MAP3K13: variants seen among roughly 807,000 people sequenced by gnomAD.
MAP3K13 encodes mitogen-activated protein kinase kinase kinase 13.
MAP3K13 carries 52 observed loss-of-function variants against 104.0 expected under a neutral mutation model. That is an observed-to-expected ratio of 0.50 (90% CI 0.40 to 0.63). MAP3K13 has a LOEUF of 0.63. Ranked by LOEUF, MAP3K13 falls within the 20% of genes least tolerant of loss-of-function variation. MAP3K13 has a pLI of 0.00. For synonymous variants in MAP3K13, 394 were observed against 442.2 expected (o/e 0.89, Z 1.37); for missense variants, 914 against 1,218.5 (o/e 0.75, Z 3.72).
Position 185,482,241 on chromosome 3 carries a change from C to A in MAP3K13, c.2800-114C>A, listed in dbSNP as rs1317606731. Reference sequence around the variant, plus strand: ...GTCCCACAAGGACAGGACCTGGTCTCGTTTACCTTTGTAGCCCCCTTACCA... The same window carrying A: ...GTCCCACAAGGACAGGACCTGGTCTAGTTTACCTTTGTAGCCCCCTTACCA... On this transcript the variant is annotated intron_variant, in intron 13 of 13. Transcript: ENST00000265026. The surrounding 1 kb of genome is among the most constrained non-coding windows in gnomAD (Gnocchi z 4.5). The A allele has an allele frequency of 2.7e-6, 2 of 735,556 alleles. No homozygotes were observed. The highest frequency in any genetic ancestry group is 4.9e-5 in the East Asian group (2 of 40,676). 45.6% of individuals were successfully genotyped at this position (735,556 alleles called of 1,614,324 possible).
intron 2 of MAP3K13, among the ~76,000 whole-genome samples, chr3:185,286,949 C>T (rs373495204): frequency 5.9e-5 from 9 of 151,988 alleles, no homozygotes; most frequent in African/African-American, 2.2e-4. Flanking sequence ...ATTATGAGAG[C>T]CTTTTACTAT....
At chr3:185,384,042 A>G (rs1423298319) in intron 1 of MAP3K13, among the ~76,000 whole-genome samples, 1 of 152,138 alleles carries the variant, frequency 6.6e-6, no homozygotes, top group African/African-American at 2.4e-5. Flanking sequence ...ACTAAAACTT[A>G]TTCCTTCTTC....
intron 2 of MAP3K13, among the ~76,000 whole-genome samples, chr3:185,340,159 C>G (rs562129064): frequency 6.3e-4 from 96 of 151,948 alleles, no homozygotes; most frequent in Non-Finnish European, 1.1e-3. Flanking sequence ...ATACTGAGCA[C>G]GAGATTATGA....
chr3:185,468,805 T>C lies in MAP3K13; in HGVS notation c.1643+1842T>C, dbSNP rs767730668. ...ATTCCACCTGACACAATCCTTGGGG[T>C]TGGGGGAAATCCCAACACCCCTTTT... On this transcript the variant is annotated intron_variant, in intron 10 of 13. Coordinates refer to ENST00000265026, the MANE Select transcript of MAP3K13 (RefSeq NM_004721.5). Among the ~76,000 whole-genome samples the C allele has an allele frequency of 2.6e-5, 4 of 152,228 alleles. No individual in the cohort carries two copies. In the Middle Eastern group the frequency reaches 0.014, roughly 518 times the overall value.
At chr3:185,301,599 G>A (rs541561724) in intron 2 of MAP3K13, among the ~76,000 whole-genome samples, 1 of 152,276 alleles carries the variant, frequency 6.6e-6, no homozygotes, top group Admixed American at 6.5e-5. Context: ...AGGTCTTACA[G>A]TTAGGCCTAT....
chr3:185,465,931 T>G, intron 9 of MAP3K13, 68 bp downstream of exon 9: 1 of 1,105,442 alleles, frequency 9.0e-7, no homozygotes, highest in South Asian at 1.3e-5. Context: ...CATACTACCC[T>G]TCCATGTTGC....
At chr3:185,453,636 C>A (rs185804032) in intron 7 of MAP3K13, among the ~76,000 whole-genome samples, 1 of 151,404 alleles carries the variant, frequency 6.6e-6, no homozygotes, top group African/African-American at 2.4e-5. Context: ...GCACGTGGTG[C>A]TACACACCTG....
chr3:185,338,166 T>G (rs1290999301), intron 2 of MAP3K13, among the ~76,000 whole-genome samples: 1 of 151,582 alleles, frequency 6.6e-6, no homozygotes, highest in Non-Finnish European at 1.5e-5. Flanking sequence ...CCGTCTCTAC[T>G]AAAAATACAA....
intron 2 of MAP3K13, among the ~76,000 whole-genome samples, chr3:185,317,466 G>T (rs1577418447): frequency 6.6e-6 from 1 of 152,096 alleles, no homozygotes; most frequent in Non-Finnish European, 1.5e-5. Context: ...GTGAAAATAG[G>T]TATCTTAGAA....
intron 1 of MAP3K13, among the ~76,000 whole-genome samples, chr3:185,398,347 A>AT (rs1712549021): frequency 6.6e-6 from 1 of 152,194 alleles, no homozygotes; most frequent in Non-Finnish European, 1.5e-5. Context: ...ACAAAAAAAA[A>AT]TTTCAAACTT....
chr3:185,415,632 G>C (rs537228224), intron 1 of MAP3K13, among the ~76,000 whole-genome samples: 3 of 130,646 alleles, frequency 2.3e-5, no homozygotes, highest in Non-Finnish European at 3.1e-5. Flanking sequence ...TGCCCAGGCT[G>C]GAGTACAATG....
intron 1 of MAP3K13, among the ~76,000 whole-genome samples, chr3:185,405,473 C>T (rs1265391292): frequency 1.3e-5 from 2 of 152,204 alleles, no homozygotes; most frequent in Non-Finnish European, 2.9e-5. Context: ...TCTGTATGCA[C>T]CTTATGTTCC....
At chr3:185,453,767 TAA>T (rs566997710) in intron 7 of MAP3K13, among the ~76,000 whole-genome samples, 1 of 129,232 alleles carries the variant, frequency 7.7e-6, no homozygotes, top group Non-Finnish European at 1.6e-5. Context: ...AGACTCCGTC[TAA>T]AAAAAAAAAA....
At chr3:185,399,578 A>C (rs1329148138) in intron 1 of MAP3K13, among the ~76,000 whole-genome samples, 1 of 142,998 alleles carries the variant, frequency 7.0e-6, no homozygotes. Flanking sequence ...ATTGCACTCC[A>C]GCCTGGGCAT....
chr3:185,357,075 AATAG>A (rs1489856010), intron 2 of MAP3K13, among the ~76,000 whole-genome samples: 3 of 152,004 alleles, frequency 2.0e-5, no homozygotes, highest in African/African-American at 7.3e-5. Context: ...AGAATCAAAG[AATAG>A]AAGTTAGAGA....
chr3:185,396,269 G>A (rs550532000), intron 1 of MAP3K13, among the ~76,000 whole-genome samples: 46 of 152,230 alleles, frequency 3.0e-4, no homozygotes, highest in African/African-American at 1.1e-3. Flanking sequence ...TAGTCAGGAG[G>A]CTAAGCAGGA....
chr3:185,402,952 G>A (rs1209942917), intron 1 of MAP3K13, among the ~76,000 whole-genome samples: 6 of 152,052 alleles, frequency 3.9e-5, no homozygotes, highest in Admixed American at 1.3e-4. Flanking sequence ...GAGACAAAAC[G>A]TCCTGAGGTA....
At chr3:185,301,095 T>A (rs1006632768) in intron 2 of MAP3K13, among the ~76,000 whole-genome samples, 4 of 119,990 alleles carry the variant, frequency 3.3e-5, no homozygotes, top group African/African-American at 1.2e-4. Context: ...GTACTCTACA[T>A]CCTTACCAAC....
At chr3:185,421,806 G>C (rs988789968) in intron 1 of MAP3K13, among the ~76,000 whole-genome samples, 1 of 152,174 alleles carries the variant, frequency 6.6e-6, no homozygotes, top group Admixed American at 6.5e-5. Flanking sequence ...CTGTGCAGTG[G>C]CAGCGTGTGG....
Sources: gnomAD v4.1 joint callset for allele counts (sites outside exome capture counted in the v4.1 genomes callset) on GRCh38, gnomAD v4.1.1 for gene constraint, Gnocchi (gnomAD v3.1) non-coding constraint, MANE v1.5 for transcripts, NCBI Gene and HGNC (gene_info 2026-07-23, HGNC 2026-07-21) for gene names.